KIAA1328: variants seen among roughly 807,000 people sequenced by gnomAD.
The protein encoded by KIAA1328 is protein hinderin.
Under a neutral mutation model 68.1 loss-of-function variants are expected in KIAA1328, and 52 were observed. That is an observed-to-expected ratio of 0.76 (90% CI 0.61 to 0.96). KIAA1328 has a LOEUF of 0.96. Among genes scored for constraint, KIAA1328 ranks in the 40% least tolerant of loss-of-function variants. The pLI is 0.00. For synonymous variants in KIAA1328, 232 were observed against 239.4 expected (o/e 0.97, Z 0.28); for missense variants, 641 against 677.6 (o/e 0.95, Z 0.60).
chr18:37,163,207 A>G (rs1202092066), intron 8 of KIAA1328, among the ~76,000 whole-genome samples: 2 of 152,216 alleles, frequency 1.3e-5, no homozygotes, highest in Admixed American at 1.3e-4. Context: ...GAGAGCCCTC[A>G]AAACTGAGGG....
chr18:36,897,395 T>C (rs2048899436), intron 5 of KIAA1328, among the ~76,000 whole-genome samples: 2 of 152,104 alleles, frequency 1.3e-5, no homozygotes, highest in South Asian at 2.1e-4. Flanking sequence ...ATAGTTGTTA[T>C]AATGTGTGTG....
intron 7 of KIAA1328, among the ~76,000 whole-genome samples, chr18:37,103,558 A>G (rs185711204): frequency 1.5e-4 from 23 of 152,340 alleles, no homozygotes; most frequent in African/African-American, 5.1e-4. Context: ...GTGCTAAAAG[A>G]AAACATACAG....
chr18:37,018,373 T>G (rs891461565), intron 6 of KIAA1328, among the ~76,000 whole-genome samples: 13 of 152,180 alleles, frequency 8.5e-5, no homozygotes, highest in Admixed American at 2.0e-4. Context: ...TGATTCATTC[T>G]TTTTCTCTAG....
chr18:36,844,291 AG>A lies in KIAA1328; in HGVS notation c.322del (p.Glu108AsnfsTer5). 1 of 1,598,536 alleles carries A rather than the reference AG, an allele frequency of 6.3e-7. No individual in the cohort carries two copies. Among genetic ancestry groups the A allele is most frequent in the Non-Finnish European group, 8.5e-7 (1 of 1,170,926 alleles). On this transcript the variant is annotated frameshift_variant, in exon 4 of 10. Transcript: ENST00000280020. LOFTEE classifies it high-confidence loss of function. ...DKRRIANLIKELARVSEEKEV... is the reference protein window; with the variant it reads ...DKRRIANLIKXLARVSEEKEV... ...AAAGACGCATTGCAAACTTAATTAAAGAACTGGCCAGGTGAGATAAAACCTT... is the reference window on the plus strand; with the variant it reads ...AAAGACGCATTGCAAACTTAATTAAAAACTGGCCAGGTGAGATAAAACCTT...
intron 5 of KIAA1328, among the ~76,000 whole-genome samples, chr18:36,889,651 C>T (rs771600664): frequency 1.3e-4 from 20 of 152,118 alleles, no homozygotes; most frequent in Non-Finnish European, 2.1e-4. Flanking sequence ...ACTAAAATGC[C>T]TTCTTTGCAG....
intron 6 of KIAA1328, among the ~76,000 whole-genome samples, chr18:37,060,468 G>A (rs1238137050): frequency 6.6e-6 from 1 of 151,996 alleles, no homozygotes; most frequent in East Asian, 1.9e-4. Context: ...ACACCAAAAT[G>A]GCTAAAAATA....
intron 7 of KIAA1328, among the ~76,000 whole-genome samples, chr18:37,138,948 CTTTTTTTTTT>C (rs869053490): frequency 7.3e-4 from 54 of 74,124 alleles, no homozygotes; most frequent in East Asian, 1.2e-3. Flanking sequence ...AAATTTTGTT[CTTTTTTTTTT>C]TTTTTTTTTT....
At chr18:37,199,779 A>G in intron 9 of KIAA1328, among the ~76,000 whole-genome samples, 1 of 152,208 alleles carries the variant, frequency 6.6e-6, no homozygotes, top group East Asian at 1.9e-4. Context: ...CTTTTTAATA[A>G]TTGCCATTCT....
chr18:36,866,368 C>T (rs2047752504), intron 4 of KIAA1328, among the ~76,000 whole-genome samples: 1 of 152,102 alleles, frequency 6.6e-6, no homozygotes, highest in African/African-American at 2.4e-5. Context: ...CCAGGAAACT[C>T]TTCTGTACAG....
rs1173609347 is a variant in KIAA1328, at chr18:37,073,303, A to G, written c.1232+5758A>G. On this transcript the variant is annotated intron_variant, in intron 7 of 9. Transcript: ENST00000280020. The stretch of plus-strand genomic sequence containing the variant: ...TAATATCCAGAATTTACAAGGACTT[A>G]AACAAATTTACAAGAGGAAAAACAA... Among the ~76,000 whole-genome samples, 5 of 152,206 alleles carry G rather than the reference A, an allele frequency of 3.3e-5. No individual in the cohort carries two copies. The East Asian group carries it at 5.8e-4, about 18-fold the overall frequency.
At position 36,885,781 on chromosome 18, in the gene KIAA1328, G is replaced by A. The variant is rs950560262; in HGVS notation, c.448+109G>A. On this transcript the variant is annotated intron_variant, in intron 5 of 9. Coordinates refer to ENST00000280020, the MANE Select transcript of KIAA1328 (RefSeq NM_020776.3). Reference sequence around the variant, plus strand: ...CGCCTAGGCTGCAGTGCAATGGTGCGATTTCAGTTCACCGCAACCTCCACC... The same window carrying A: ...CGCCTAGGCTGCAGTGCAATGGTGCAATTTCAGTTCACCGCAACCTCCACC... 4 of 647,622 alleles carry A rather than the reference G, an allele frequency of 6.2e-6. No individual in the cohort carries two copies. In the South Asian group the frequency reaches 6.8e-5, roughly 11 times the overall value. The allele number at this position is 647,622 out of a possible 1,614,324, so 40.1% of individuals were successfully genotyped here. A position where few individuals can be genotyped will look rare whatever the true frequency, so the allele number is the denominator to read the frequency against.
intron 7 of KIAA1328, among the ~76,000 whole-genome samples, chr18:37,124,451 A>G (rs1302980942): frequency 6.6e-6 from 1 of 151,820 alleles, no homozygotes; most frequent in Non-Finnish European, 1.5e-5. Context: ...ATTCCCACCC[A>G]GATTATTGTG....
intron 7 of KIAA1328, among the ~76,000 whole-genome samples, chr18:37,134,572 A>C (rs1426183040): frequency 1.3e-5 from 2 of 152,210 alleles, no homozygotes; most frequent in African/African-American, 4.8e-5. Context: ...TTTCTTCTGC[A>C]TTCACTCTTC....
At chr18:37,045,073 T>C (rs2055412537) in intron 6 of KIAA1328, among the ~76,000 whole-genome samples, 1 of 152,142 alleles carries the variant, frequency 6.6e-6, no homozygotes, top group African/African-American at 2.4e-5. Flanking sequence ...GGGTTAGGAG[T>C]TAGCACTAAA....
chr18:37,019,851 G>T (rs142265583), intron 6 of KIAA1328, among the ~76,000 whole-genome samples: 1 of 152,186 alleles, frequency 6.6e-6, no homozygotes, highest in Non-Finnish European at 1.5e-5. Context: ...AGGTAAGGTG[G>T]CTCAGGCTGC....
chr18:37,142,166 G>A (rs538736557), intron 7 of KIAA1328, among the ~76,000 whole-genome samples: 1 of 150,296 alleles, frequency 6.7e-6, no homozygotes, highest in South Asian at 2.1e-4. Context: ...GTATGAGGTA[G>A]GGCTCAAGGT....
rs577754906 is a variant in KIAA1328, at chr18:37,084,058, T to C, written c.1232+16513T>C. ...GGATCTAGCTGAAAGAGCATGGTTT[T>C]CCAAAATTTATCATTCAGGTTATCA... On this transcript the variant is annotated intron_variant, in intron 7 of 9. Transcript: ENST00000280020. The C allele has an allele frequency of 1.4e-5, 13 of 901,806 alleles. No individual in the cohort carries two copies. In the East Asian group the frequency reaches 3.6e-4, roughly 25 times the overall value. 55.9% of individuals were successfully genotyped at this position (901,806 alleles called of 1,614,324 possible).
At chr18:37,170,087 A>G (rs2059471652) in intron 8 of KIAA1328, among the ~76,000 whole-genome samples, 1 of 152,278 alleles carries the variant, frequency 6.6e-6, no homozygotes, top group African/African-American at 2.4e-5. Context: ...CCAGGATTCT[A>G]CCCAGACAAT....
intron 6 of KIAA1328, among the ~76,000 whole-genome samples, chr18:37,002,228 C>CTTTTTTTTTTTTTTTTTTTTTTTTTTT (rs145948250): frequency 2.1e-5 from 2 of 95,164 alleles, no homozygotes; most frequent in Non-Finnish European, 4.3e-5. Context: ...ATTTTTTTTT[C>CTTTTTTTTTTTTTTTTTTTTTTTTTTT]TTTTTTTTTT....
Sources: allele counts gnomAD v4.1 joint callset (sites outside exome capture counted in the v4.1 genomes callset), GRCh38; gene constraint gnomAD v4.1.1; transcripts MANE v1.5; gene names NCBI Gene and HGNC (gene_info 2026-07-23, HGNC 2026-07-21).